The following BRCC3 variants were observed in gnomAD, a reference collection of about 807,000 sequenced individuals.
BRCC3 encodes the protein BRCA1/BRCA2-containing complex subunit 3, also known as lys-63-specific deubiquitinase BRCC36.
BRCC3 carries 15 observed loss-of-function variants against 28.0 expected under a neutral mutation model. That is an observed-to-expected ratio of 0.54 (90% CI 0.36 to 0.82). BRCC3 has a LOEUF of 0.82. BRCC3 is among the 40% of genes least tolerant of loss of function. The pLI is 0.01. For missense variants in BRCC3, 109 were observed against 225.9 expected (o/e 0.48, Z 3.32); for synonymous variants, 66 against 80.3 (o/e 0.82, Z 0.95).
At chrX:155,116,214 T>C in intron 8 of BRCC3, 26 bp downstream of exon 8, 1 of 1,157,863 alleles carries the variant, frequency 8.6e-7, no homozygotes, top group Non-Finnish European at 1.2e-6. Context: ...ACTCCTCTTC[T>C]CTACTTCTCA....
chrX:155,078,289 G>T (rs1489186785), intron 4 of BRCC3, among the ~76,000 whole-genome samples: 2 of 112,122 alleles, frequency 1.8e-5, no homozygotes, highest in Non-Finnish European at 3.8e-5. Context: ...CATTTTACAG[G>T]ATAACAGCAG....
At chrX:155,098,948 C>T (rs1306853774) in intron 7 of BRCC3, among the ~76,000 whole-genome samples, 2 of 109,674 alleles carry the variant, frequency 1.8e-5, no homozygotes, top group Non-Finnish European at 3.8e-5. Context: ...GCTTTATATC[C>T]TTTGAAGCTG....
At chrX:155,082,147 C>A (rs2074089669) in intron 5 of BRCC3, among the ~76,000 whole-genome samples, 1 of 111,798 alleles carries the variant, frequency 8.9e-6, no homozygotes, top group Non-Finnish European at 1.9e-5. Flanking sequence ...CCATCATCAG[C>A]TAAAGGGTAA....
intron 7 of BRCC3, among the ~76,000 whole-genome samples, chrX:155,112,176 T>C (rs1028553492): frequency 8.9e-6 from 1 of 111,972 alleles, no homozygotes; most frequent in Non-Finnish European, 1.9e-5. Flanking sequence ...TGAAGCACTT[T>C]AGGGCTTCTC....
intron 6 of BRCC3, 47 bp downstream of exon 6, chrX:155,089,398 G>A (rs782442985): frequency 3.7e-6 from 3 of 807,909 alleles, no homozygotes; most frequent in Non-Finnish European, 5.3e-6. Flanking sequence ...TGTAGGGTCT[G>A]TGTGTGTGTC....
In BRCC3 at chrX:155,111,831, G is replaced by GA. The variant is rs782408378; in HGVS notation, c.549-4220dup. ...AAGGTGAAAATAACCTACAGAATCA[G>GA]AAAAAATAGTGGCAAATTACAAAAA... is the stretch of plus-strand genomic sequence containing the variant. On this transcript the variant is annotated intron_variant, in intron 7 of 10. Transcript: ENST00000330045. Among the ~76,000 whole-genome samples the GA allele has an allele frequency of 3.7e-4, 41 of 111,831 alleles. 1 individual carries two copies. Among genetic ancestry groups the GA allele is most frequent in the African/African-American group, 1.0e-3 (31 of 30,877 alleles).
At chrX:155,107,191 T>C (rs1354578242) in intron 7 of BRCC3, among the ~76,000 whole-genome samples, 2 of 111,807 alleles carry the variant, frequency 1.8e-5, no homozygotes, top group Non-Finnish European at 1.9e-5. Context: ...TCTTAGCATT[T>C]GGAGTTTGGA....
intron 7 of BRCC3, among the ~76,000 whole-genome samples, chrX:155,097,856 C>T (rs1326705138): frequency 9.0e-6 from 1 of 111,708 alleles, no homozygotes; most frequent in Admixed American, 9.4e-5. Context: ...ATTAGCTGGG[C>T]GTGGTGGCAG....
In BRCC3 at chrX:155,116,196, C is replaced by A; in HGVS notation, c.680+8C>A. On this transcript the variant is annotated splice_region_variant and intron_variant, in intron 8 of 10. Coordinates refer to ENST00000330045, the MANE Select transcript of BRCC3 (RefSeq NM_001018055.3). Reference sequence around the variant, plus strand: ...GTATAGGAGGATCCACAGGTAGAGACCCTCTTCACTCCTCTTCTCTACTTC... The same window carrying A: ...GTATAGGAGGATCCACAGGTAGAGAACCTCTTCACTCCTCTTCTCTACTTC... 8.5e-7 allele frequency: 1 copy of A among 1,173,756 alleles called. No homozygotes were observed. Among genetic ancestry groups the A allele is most frequent in the Non-Finnish European group, 1.1e-6 (1 of 875,051 alleles).
At chrX:155,116,244 T>TAC (rs2074354782) in intron 8 of BRCC3, 56 bp downstream of exon 8, 1 of 1,096,820 alleles carries the variant, frequency 9.1e-7, no homozygotes, top group African/African-American at 1.9e-5. Flanking sequence ...CTCTCTTTTC[T>TAC]TCTTCTGTCC....
intron 7 of BRCC3, among the ~76,000 whole-genome samples, chrX:155,092,118 C>T (rs2074179177): frequency 1.8e-5 from 2 of 111,174 alleles, no homozygotes; most frequent in African/African-American, 6.5e-5. Context: ...TTATGATGTT[C>T]TTTCTTGATT....
Position 155,077,264 on chromosome X carries a change from T to C in BRCC3, c.290T>C (p.Leu97Pro). The C allele has an allele frequency of 8.4e-7, 1 of 1,186,998 alleles. No homozygotes were observed. Among genetic ancestry groups the C allele is most frequent in the Non-Finnish European group, 1.1e-6 (1 of 879,399 alleles). ...CGAGTAGAAATTTCTCCAGAGCAGCTGTCTGCAGCTTCAACAGAGGCAGAG... is the reference window on the plus strand; with the variant it reads ...CGAGTAGAAATTTCTCCAGAGCAGCCGTCTGCAGCTTCAACAGAGGCAGAG... ...KDRVEISPEQ[L>P]SAASTEAERL... Residue 97 changes from leucine (L) to proline (P), a missense_variant, in exon 4 of 11, where the codon CTG becomes CCG. Leu to Pro is a moderately conservative substitution (Grantham distance 98). Coordinates refer to ENST00000330045, the MANE Select transcript of BRCC3 (RefSeq NM_001018055.3).
intron 5 of BRCC3, among the ~76,000 whole-genome samples, chrX:155,088,013 G>T (rs993958256): frequency 8.9e-6 from 1 of 112,408 alleles, no homozygotes; most frequent in Non-Finnish European, 1.9e-5. Context: ...ACAGTACCAA[G>T]AATTTTACTT....
At chrX:155,089,549 G>A (rs782137413) in intron 6 of BRCC3, among the ~76,000 whole-genome samples, 198 bp downstream of exon 6, 2 of 111,745 alleles carry the variant, frequency 1.8e-5, no homozygotes, top group East Asian at 5.6e-4. Context: ...GAACGTTCCA[G>A]GCAGAGGAAA....
At chrX:155,089,738 A>G (rs1253531056) in intron 6 of BRCC3, among the ~76,000 whole-genome samples, 3 of 111,897 alleles carry the variant, frequency 2.7e-5, no homozygotes, top group Non-Finnish European at 5.6e-5. Flanking sequence ...AGTTTGAATG[A>G]TAACTCATTT....
At chrX:155,113,442 A>G (rs2074335135) in intron 7 of BRCC3, among the ~76,000 whole-genome samples, 1 of 110,782 alleles carries the variant, frequency 9.0e-6, no homozygotes, top group Non-Finnish European at 1.9e-5. Flanking sequence ...AAAACTGAAT[A>G]TTCACATGCA....
intron 5 of BRCC3, among the ~76,000 whole-genome samples, chrX:155,083,187 C>G (rs1557294351): frequency 8.9e-6 from 1 of 112,578 alleles, no homozygotes; most frequent in African/African-American, 3.2e-5. Flanking sequence ...ATACCGAGGA[C>G]TTGGCCATGC....
chrX:155,088,795 G>A (rs998884922), intron 5 of BRCC3, among the ~76,000 whole-genome samples: 1 of 111,863 alleles, frequency 8.9e-6, no homozygotes, highest in African/African-American at 3.2e-5. Context: ...TCTACTCTCT[G>A]GAATGTTGAA....
intron 7 of BRCC3, among the ~76,000 whole-genome samples, chrX:155,111,781 T>C (rs1325907706): frequency 5.4e-5 from 6 of 111,974 alleles, no homozygotes; most frequent in Non-Finnish European, 9.4e-5. Context: ...TTAAAAACTT[T>C]TGTGCATCAC....
Sources: allele counts gnomAD v4.1 joint callset (sites outside exome capture counted in the v4.1 genomes callset), GRCh38; gene constraint gnomAD v4.1.1; transcripts MANE v1.5; gene names NCBI Gene and HGNC (gene_info 2026-07-23, HGNC 2026-07-21).